Variants in RPS6KC1 observed in about 807,000 individuals in gnomAD.
RPS6KC1 encodes ribosomal protein S6 kinase C1.
A neutral mutation model predicts 103.8 loss-of-function variants in RPS6KC1; 54 were observed. The ratio of observed to expected loss-of-function variants is 0.52; its 90% CI spans 0.42 to 0.65. RPS6KC1 has a LOEUF of 0.65. Ranked by LOEUF, RPS6KC1 falls within the 30% of genes least tolerant of loss-of-function variation. The probability of loss-of-function intolerance (pLI) is 0.00; values close to 1 mark genes in which losing one functional copy is unlikely to be tolerated. For synonymous variants in RPS6KC1, 439 were observed against 438.7 expected (o/e 1.00, Z -0.01); for missense variants, 1,151 against 1,253.8 (o/e 0.92, Z 1.24).
intron 8 of RPS6KC1, among the ~76,000 whole-genome samples, chr1:213,191,915 T>A (rs933207479): frequency 6.6e-6 from 1 of 152,074 alleles, no homozygotes; most frequent in South Asian, 2.1e-4. Context: ...TTCGAGCGAT[T>A]CTCCTGAGTC....
the RPS6KC1 span, among the ~76,000 whole-genome samples, chr1:213,747,383 A>T: frequency 6.6e-6 from 1 of 152,172 alleles, no homozygotes; most frequent in African/African-American, 2.4e-5. Context: ...GCTCAACTGG[A>T]TGGGGTCCAG....
At chr1:213,656,916 G>A in the RPS6KC1 span, among the ~76,000 whole-genome samples, 1 of 152,082 alleles carries the variant, frequency 6.6e-6, no homozygotes, top group African/African-American at 2.4e-5. Flanking sequence ...ACTTTTTTGG[G>A]AGCAGATAAT....
the RPS6KC1 span, among the ~76,000 whole-genome samples, chr1:213,388,397 A>G: frequency 6.6e-6 from 1 of 152,342 alleles, no homozygotes; most frequent in African/African-American, 2.4e-5. Context: ...GGAGCTGGAT[A>G]GGCATGTGGC....
the RPS6KC1 span, among the ~76,000 whole-genome samples, chr1:213,854,148 C>A: frequency 6.6e-6 from 1 of 152,202 alleles, no homozygotes; most frequent in African/African-American, 2.4e-5. Context: ...TCGGGGACAG[C>A]TCCCCTACCT....
At chr1:213,172,027 T>C (rs964525749) in intron 7 of RPS6KC1, among the ~76,000 whole-genome samples, 1 of 152,154 alleles carries the variant, frequency 6.6e-6, no homozygotes, top group Non-Finnish European at 1.5e-5. Context: ...CTCAGGTTAT[T>C]TGAGGAGTAA....
At chr1:213,102,626 G>A (rs1425226866) in intron 3 of RPS6KC1, among the ~76,000 whole-genome samples, 2 of 152,006 alleles carry the variant, frequency 1.3e-5, no homozygotes, top group African/African-American at 4.8e-5. Flanking sequence ...AATAAAAATT[G>A]AGGAAGAAAG....
At chr1:213,361,715 G>A in the RPS6KC1 span, among the ~76,000 whole-genome samples, 1 of 152,212 alleles carries the variant, frequency 6.6e-6, no homozygotes, top group African/African-American at 2.4e-5. Context: ...TGCTCACTCG[G>A]CCACATACCT....
the RPS6KC1 span, among the ~76,000 whole-genome samples, chr1:213,724,497 T>A: frequency 6.6e-6 from 1 of 152,104 alleles, no homozygotes; most frequent in African/African-American, 2.4e-5. Flanking sequence ...GCTCTATGAG[T>A]AAGACCGTGG....
the RPS6KC1 span, among the ~76,000 whole-genome samples, chr1:213,521,281 A>G: frequency 6.6e-6 from 1 of 152,248 alleles, no homozygotes. Context: ...GTTAATGTTT[A>G]CACTATACTG....
the RPS6KC1 span, among the ~76,000 whole-genome samples, chr1:213,462,570 A>C: frequency 1.3e-5 from 2 of 152,260 alleles, no homozygotes; most frequent in Admixed American, 6.5e-5. Context: ...AATACTATGC[A>C]GCCATAAAAA....
chr1:213,130,302 G>T (rs1473985024), intron 6 of RPS6KC1, among the ~76,000 whole-genome samples: 2 of 152,108 alleles, frequency 1.3e-5, no homozygotes, highest in Non-Finnish European at 2.9e-5. Flanking sequence ...AAGATTCTTG[G>T]GTTTGCCGAC....
chr1:213,242,703 G>A (rs777824388), intron 12 of RPS6KC1, 45 bp downstream of exon 12: 3 of 1,355,200 alleles, frequency 2.2e-6, no homozygotes, highest in Non-Finnish European at 3.1e-6. Context: ...AAGTGGTTCG[G>A]CAGCTCTCAT....
chr1:213,301,912 T>C, the RPS6KC1 span, among the ~76,000 whole-genome samples: 1 of 151,968 alleles, frequency 6.6e-6, no homozygotes, highest in Non-Finnish European at 1.5e-5. Flanking sequence ...ATTTTTGTAT[T>C]TTTAGTAGAG....
At chr1:213,789,169 G>A in the RPS6KC1 span, among the ~76,000 whole-genome samples, 9 of 152,284 alleles carry the variant, frequency 5.9e-5, no homozygotes, top group Admixed American at 1.3e-4. Context: ...AATTTAGTCA[G>A]TAGAGATTGT....
the RPS6KC1 span, among the ~76,000 whole-genome samples, chr1:213,530,742 C>A: frequency 2.2e-4 from 33 of 152,208 alleles, no homozygotes; most frequent in African/African-American, 8.0e-4. Flanking sequence ...TTCCCCAGAT[C>A]TGCTTGCTTG....
chr1:213,352,376 T>G, the RPS6KC1 span, among the ~76,000 whole-genome samples: 1 of 152,188 alleles, frequency 6.6e-6, no homozygotes, highest in Non-Finnish European at 1.5e-5. Context: ...AATTATTAAT[T>G]GAAACATGCA....
At chr1:213,533,506 G>A in the RPS6KC1 span, among the ~76,000 whole-genome samples, 2 of 152,170 alleles carry the variant, frequency 1.3e-5, no homozygotes, top group Non-Finnish European at 2.9e-5. Flanking sequence ...GTAACTTTCT[G>A]TAGTGGTTTA....
At chr1:213,433,812 T>C in the RPS6KC1 span, among the ~76,000 whole-genome samples, 1,930 of 152,354 alleles carry the variant, frequency 0.013, 32 homozygotes, top group African/African-American at 0.04. Context: ...GTTACTATTA[T>C]TGAGTGTTGA....
the RPS6KC1 span, among the ~76,000 whole-genome samples, chr1:213,456,942 G>T: frequency 2.6e-5 from 4 of 152,186 alleles, no homozygotes; most frequent in Middle Eastern, 3.4e-3. Flanking sequence ...TTTTTGGGGG[G>T]TTTCATATTT....
Sources: gnomAD v4.1 joint callset for allele counts (sites outside exome capture counted in the v4.1 genomes callset) on GRCh38, gnomAD v4.1.1 for gene constraint, MANE v1.5 for transcripts, NCBI Gene and HGNC (gene_info 2026-07-23, HGNC 2026-07-21) for gene names.